The following CCDC171 variants were observed in gnomAD, a reference collection of about 807,000 sequenced individuals.
CCDC171 encodes coiled-coil domain-containing protein 171.
CCDC171 carries 177 observed loss-of-function variants against 168.2 expected under a neutral mutation model. That is an observed-to-expected ratio of 1.05 (90% CI 0.93 to 1.19). The LOEUF (loss-of-function observed/expected upper bound fraction) is 1.19. CCDC171 is among the 50% of genes most tolerant of loss of function. The pLI is 0.00. For missense variants in CCDC171, 1,991 were observed against 1,539.0 expected (o/e 1.29, Z -4.91); for synonymous variants, 687 against 540.8 (o/e 1.27, Z -3.75).
chr9:15,831,212 T>A (rs970074668), intron 21 of CCDC171, among the ~76,000 whole-genome samples: 2 of 152,120 alleles, frequency 1.3e-5, no homozygotes, highest in African/African-American at 4.8e-5. Flanking sequence ...AACCTTGTGA[T>A]CCGGCTGCCT....
intron 21 of CCDC171, among the ~76,000 whole-genome samples, chr9:15,812,080 A>G (rs964631355): frequency 6.6e-6 from 1 of 152,188 alleles, no homozygotes; most frequent in African/African-American, 2.4e-5. Flanking sequence ...TGAACAAGGT[A>G]TTAAAAAAAG....
At chr9:15,596,802 G>T (rs1287107012) in intron 6 of CCDC171, among the ~76,000 whole-genome samples, 1 of 152,170 alleles carries the variant, frequency 6.6e-6, no homozygotes, top group South Asian at 2.1e-4. Context: ...CCATTTGTTT[G>T]TATCCTCTTT....
chr9:15,776,102 A>G (rs1234371316), intron 18 of CCDC171: 1 of 152,070 alleles, frequency 6.6e-6, no homozygotes, highest in African/African-American at 2.4e-5. Flanking sequence ...TTATATATTG[A>G]TTGCCATATA....
rs118045468 is a variant in CCDC171, at chr9:15,633,073, A to G, written c.822+9660A>G. ...AGACCTAAAATCATAGAAACCCTAT[A>G]GGAAAACCTAGGCATTAGCATTCAG... On this transcript the variant is annotated intron_variant, in intron 7 of 25. Transcript: ENST00000380701. Among the ~76,000 whole-genome samples the G allele has an allele frequency of 1.6e-3, 246 of 152,332 alleles. 1 individual carries two copies. The highest frequency in any genetic ancestry group is 3.2e-3 in the Admixed American group (49 of 15,294).
chr9:16,000,694 C>G (rs1832513832), intron 3 of CCDC171, among the ~76,000 whole-genome samples: 1 of 151,400 alleles, frequency 6.6e-6, no homozygotes, highest in Non-Finnish European at 1.5e-5. Flanking sequence ...CCAAACCACT[C>G]TGGAAATTTG....
chr9:15,719,873 C>CT (rs146274717), intron 11 of CCDC171, among the ~76,000 whole-genome samples: 3 of 151,148 alleles, frequency 2.0e-5, no homozygotes, highest in Non-Finnish European at 4.4e-5. Context: ...TTATACATTA[C>CT]TTTTTTTTTC....
chr9:15,784,480 C>G, intron 20 of CCDC171, 29 bp from the exon 21 acceptor site: 2 of 1,506,730 alleles, frequency 1.3e-6, no homozygotes, highest in South Asian at 1.2e-5. Context: ...AGCTTTATAA[C>G]TGATTCTCCC....
At chr9:15,944,604 C>A (rs1380629901) in intron 25 of CCDC171, among the ~76,000 whole-genome samples, 1 of 151,934 alleles carries the variant, frequency 6.6e-6, no homozygotes, top group Non-Finnish European at 1.5e-5. Context: ...TGAACACAGG[C>A]AGTTCAGCTC....
chr9:15,593,560 A>C (rs2042141444), intron 5 of CCDC171, among the ~76,000 whole-genome samples: 1 of 151,962 alleles, frequency 6.6e-6, no homozygotes, highest in African/African-American at 2.4e-5. Context: ...TCCCTTTTGG[A>C]AATACATTGC....
Position 15,591,387 on chromosome 9 carries a change from C to T in CCDC171, c.374C>T (p.Ala125Val), listed in dbSNP as rs752469015. Residue 125 changes from alanine (A) to valine (V), a missense_variant, in exon 5 of 26, where the codon GCA (alanine) becomes GTA (valine). Physicochemically the swap from Ala to Val is moderately conservative, Grantham distance 64. Coordinates refer to ENST00000380701, the MANE Select transcript of CCDC171 (RefSeq NM_173550.4). ...ATAGCACAGAATTCAGAACTTCAAG[C>T]AAAGACAAATGAGACTGAGAAAGCA... ...KLCAQNSELQAKTNETEKAFQ... is the reference protein window; with the variant it reads ...KLCAQNSELQVKTNETEKAFQ... The T allele has an allele frequency of 1.9e-6, 3 of 1,601,288 alleles. No individual in the cohort carries two copies. Among genetic ancestry groups the T allele is most frequent in the Middle Eastern group, 1.7e-4 (1 of 6,018 alleles).
At chr9:15,583,419 A>AAG (rs2041294636) in intron 4 of CCDC171, among the ~76,000 whole-genome samples, 1 of 151,874 alleles carries the variant, frequency 6.6e-6, no homozygotes, top group East Asian at 1.9e-4. Context: ...AAAAAAAAAA[A>AAG]AAAAAAGAAA....
At chr9:15,895,424 G>A (rs751990314) in intron 24 of CCDC171, among the ~76,000 whole-genome samples, 17 of 151,988 alleles carry the variant, frequency 1.1e-4, no homozygotes, top group Non-Finnish European at 2.2e-4. Context: ...TCCACTTATC[G>A]AGGCCAGATG....
intron 24 of CCDC171, among the ~76,000 whole-genome samples, chr9:15,884,278 A>G (rs1819089774): frequency 3.3e-5 from 2 of 60,442 alleles, no homozygotes; most frequent in Admixed American, 2.3e-4. Context: ...TGAGGATCCT[A>G]TAACATGTAT....
At chr9:16,108,475 C>T in the CCDC171 span, among the ~76,000 whole-genome samples, 2 of 152,166 alleles carry the variant, frequency 1.3e-5, no homozygotes. Context: ...TGAGTGTCCC[C>T]ATAGTATGCT....
At chr9:16,013,409 T>A (rs1377234491) in intron 3 of CCDC171, among the ~76,000 whole-genome samples, 3 of 152,202 alleles carry the variant, frequency 2.0e-5, no homozygotes, top group Non-Finnish European at 4.4e-5. Context: ...TGCTCAAAAT[T>A]CTTTCCTGGA....
rs188077216 is a variant in CCDC171, at chr9:15,631,596, G to A, written c.822+8183G>A. Among the ~76,000 whole-genome samples, 873 of 152,276 alleles carry A rather than the reference G, an allele frequency of 5.7e-3. 4 individuals carry two copies. Among genetic ancestry groups the A allele is most frequent in the Non-Finnish European group, 7.5e-3 (512 of 68,026 alleles). On this transcript the variant is annotated intron_variant, in intron 7 of 25. Coordinates refer to ENST00000380701, the MANE Select transcript of CCDC171 (RefSeq NM_173550.4). ...AGCCGAATTCTATCAGAGGTACAAG[G>A]AGGAACTGGTACCATTCCTTCTGAA...
rs549009027 is a variant in CCDC171 at position 15,828,067 on chromosome 9, C to T, written c.3268-18635C>T. ...GAATAAAAGATGAATTAATATTTTACACTGTAAGATTAATAGTACTGCTAA... is the reference window on the plus strand; with the variant it reads ...GAATAAAAGATGAATTAATATTTTATACTGTAAGATTAATAGTACTGCTAA... On this transcript the variant is annotated intron_variant, in intron 21 of 25. Transcript: ENST00000380701. Among the ~76,000 whole-genome samples, 4 of 152,194 alleles carry T rather than the reference C, an allele frequency of 2.6e-5. No homozygotes were observed. The South Asian group carries it at 8.3e-4, about 32-fold the overall frequency.
At chr9:16,073,028 A>C in the CCDC171 span, among the ~76,000 whole-genome samples, 2 of 152,310 alleles carry the variant, frequency 1.3e-5, no homozygotes, top group South Asian at 4.2e-4. Context: ...TTACCTCTCT[A>C]AGCCTGTGCA....
At chr9:15,669,020 G>A (rs536918378) in intron 9 of CCDC171, among the ~76,000 whole-genome samples, 1 of 152,202 alleles carries the variant, frequency 6.6e-6, no homozygotes, top group East Asian at 1.9e-4. Context: ...GTGAACTGAC[G>A]TAGCAGTTTA....
Sources: allele counts gnomAD v4.1 joint callset (sites outside exome capture counted in the v4.1 genomes callset), GRCh38; gene constraint gnomAD v4.1.1; transcripts MANE v1.5; gene names NCBI Gene and HGNC (gene_info 2026-07-23, HGNC 2026-07-21).